Variants in ATP13A4 observed in about 807,000 individuals in gnomAD.
The protein encoded by ATP13A4 is probable cation-transporting ATPase 13A4.
In ATP13A4, 114 loss-of-function variants were observed where a neutral mutation model predicts 142.5. The ratio of observed to expected loss-of-function variants is 0.80; its 90% confidence interval spans 0.69 to 0.93. The LOEUF is 0.93. ATP13A4 is among the 40% of genes least tolerant of loss of function. ATP13A4 has a pLI of 0.00. For synonymous variants in ATP13A4, 488 were observed against 514.8 expected (o/e 0.95, Z 0.70); for missense variants, 1,392 against 1,454.0 (o/e 0.96, Z 0.69).
intron 25 of ATP13A4, among the ~76,000 whole-genome samples, chr3:193,426,216 A>G (rs1223052601): frequency 6.6e-6 from 1 of 151,878 alleles, no homozygotes; most frequent in Non-Finnish European, 1.5e-5. Context: ...GTGTTTCTGT[A>G]CACCAGCAGT....
upstream of ATP13A4, among the ~76,000 whole-genome samples, chr3:193,558,561 C>T (rs1450562298): frequency 6.6e-6 from 1 of 152,184 alleles, no homozygotes; most frequent in East Asian, 1.9e-4. Context: ...ATAAATTCCA[C>T]ATAATATGCT....
chr3:193,582,715 T>TGTATTAC lies in ATP13A4; in HGVS notation n.92-810_92-809insGTAATAC, dbSNP rs1724586260. ...GTGTATAACATATATAATATATATGTATATTACATATATAAAATATATATG... is the reference window on the plus strand; with the variant it reads ...GTGTATAACATATATAATATATATGTGTATTACATATTACATATATAAAATATATATG... On this transcript the variant is annotated intron_variant and non_coding_transcript_variant, in intron 1 of 3. Transcript: ENST00000489140. Among the ~76,000 whole-genome samples the TGTATTAC allele has an allele frequency of 3.4e-4, 16 of 47,104 alleles. 5 individuals are homozygous for TGTATTAC. In the South Asian group the frequency reaches 7.1e-3, roughly 21 times the overall value. The allele number at this position is 47,104 out of a possible 152,430, so 30.9% of individuals were successfully genotyped here.
chr3:193,492,967 C>T lies in ATP13A4; in HGVS notation c.483G>A (p.Lys161=), dbSNP rs576638923. 6.2e-7 allele frequency: 1 copy of T among 1,611,292 alleles called. No homozygotes were observed. The highest frequency in any genetic ancestry group is 2.2e-5 in the East Asian group (1 of 44,768). ...GSLEDWLSSA[K]IHQKFGSGLT... ...AGCCTGATCCAAATTTTTGATGTAT[C>T]TTGGCAGAACTAAGCCAGTCTTCCA... The change falls in exon 5 of 30, where the codon AAG becomes AAA. Residue 161 remains lysine, a synonymous_variant. Coordinates refer to ENST00000342695, the MANE Select transcript of ATP13A4 (RefSeq NM_032279.4).
intron 25 of ATP13A4, among the ~76,000 whole-genome samples, chr3:193,433,541 C>T (rs1015936150): frequency 2.6e-5 from 4 of 152,140 alleles, no homozygotes; most frequent in Admixed American, 2.6e-4. Context: ...TAAAAGCACT[C>T]TGAAGTTAGT....
intron 25 of ATP13A4, among the ~76,000 whole-genome samples, chr3:193,421,745 G>A (rs2108610202): frequency 6.7e-6 from 1 of 149,768 alleles, no homozygotes; most frequent in Admixed American, 6.9e-5. Flanking sequence ...ATAATTATAA[G>A]ATATTTTATG....
At chr3:193,573,260 C>CATATATATATATATATAT (rs373692119) in intron 2 of ATP13A4, among the ~76,000 whole-genome samples, 1 of 79,012 alleles carries the variant, frequency 1.3e-5, no homozygotes, top group African/African-American at 6.0e-5. Context: ...ATACCACAGC[C>CATATATATATATATATAT]ATATATATAT....
intron 2 of ATP13A4, among the ~76,000 whole-genome samples, chr3:193,579,786 A>G (rs1024432913): frequency 6.6e-6 from 1 of 152,212 alleles, no homozygotes; most frequent in African/African-American, 2.4e-5. Context: ...CTGCTCAAGC[A>G]GCATATCCCA....
intron 1 of ATP13A4, among the ~76,000 whole-genome samples, chr3:193,521,918 G>A (rs111948401): frequency 0.03 from 4,490 of 151,928 alleles, 215 homozygotes; most frequent in African/African-American, 0.1. Flanking sequence ...GGGCCACAGA[G>A]CGAGACTGCA....
intron 25 of ATP13A4, among the ~76,000 whole-genome samples, chr3:193,433,614 A>C (rs1716098813): frequency 6.6e-6 from 1 of 152,218 alleles, no homozygotes; most frequent in East Asian, 1.9e-4. Flanking sequence ...TAGAAGTTCC[A>C]CATTTTGCAG....
chr3:193,534,797 A>C (rs1722506686), intron 1 of ATP13A4, among the ~76,000 whole-genome samples: 1 of 152,164 alleles, frequency 6.6e-6, no homozygotes, highest in South Asian at 2.1e-4. Flanking sequence ...AGGGGAAATG[A>C]CTAAAAAACT....
intron 17 of ATP13A4, 45 bp downstream of exon 17, chr3:193,454,056 C>G (rs756420963): frequency 1.3e-6 from 2 of 1,513,302 alleles, no homozygotes; most frequent in Non-Finnish European, 1.8e-6. Flanking sequence ...CCTGGTACAT[C>G]TTTCCATCAA....
At chr3:193,523,733 G>A (rs1044413720) in intron 1 of ATP13A4, among the ~76,000 whole-genome samples, 17 of 152,090 alleles carry the variant, frequency 1.1e-4, no homozygotes, top group African/African-American at 1.9e-4. Context: ...GCTATGGTTC[G>A]GATGTGGTTT....
chr3:193,446,874 A>G (rs1053288138), intron 18 of ATP13A4, among the ~76,000 whole-genome samples: 5 of 152,212 alleles, frequency 3.3e-5, no homozygotes, highest in Admixed American at 3.3e-4. Context: ...CAGAAGCCAC[A>G]AGGCAAAGGA....
At chr3:193,450,261 C>T (rs747469683) in intron 17 of ATP13A4, among the ~76,000 whole-genome samples, 1 of 152,176 alleles carries the variant, frequency 6.6e-6, no homozygotes, top group African/African-American at 2.4e-5. Flanking sequence ...TGGGAACAAT[C>T]CCACCTGATT....
At chr3:193,499,614 C>A (rs1057087159) in intron 3 of ATP13A4, among the ~76,000 whole-genome samples, 3 of 152,174 alleles carry the variant, frequency 2.0e-5, no homozygotes, top group Non-Finnish European at 4.4e-5. Context: ...CAAAGGATAT[C>A]ATATTCAAGC....
intron 19 of ATP13A4, 90 bp from the exon 20 acceptor site, chr3:193,441,678 G>C (rs1716651511): frequency 6.8e-7 from 1 of 1,469,880 alleles, no homozygotes; most frequent in Non-Finnish European, 9.4e-7. Flanking sequence ...AATGAAGACA[G>C]ACCAGGATCT....
At chr3:193,492,246 G>T (rs541137365) in intron 5 of ATP13A4, among the ~76,000 whole-genome samples, 1 of 152,268 alleles carries the variant, frequency 6.6e-6, no homozygotes, top group East Asian at 1.9e-4. Flanking sequence ...AAATGGGGAA[G>T]GGGGAAGCAT....
chr3:193,449,716 T>C (rs1180629881), intron 17 of ATP13A4, among the ~76,000 whole-genome samples: 1 of 152,232 alleles, frequency 6.6e-6, no homozygotes, highest in African/African-American at 2.4e-5. Flanking sequence ...GTAAGACATT[T>C]GTCCTTACTT....
chr3:193,479,090 G>C (rs573933751), intron 8 of ATP13A4, among the ~76,000 whole-genome samples: 2 of 152,092 alleles, frequency 1.3e-5, no homozygotes, highest in South Asian at 4.2e-4. Context: ...AAAACCCTCA[G>C]CAAAATTGGC....
Sources: allele counts gnomAD v4.1 joint callset (sites outside exome capture counted in the v4.1 genomes callset), GRCh38; gene constraint gnomAD v4.1.1; transcripts MANE v1.5; gene names NCBI Gene and HGNC (gene_info 2026-07-23, HGNC 2026-07-21).